Variants in PCDH9 observed in about 807,000 individuals in gnomAD.
PCDH9 encodes protocadherin 9, also known as protocadherin-9.
Under a neutral mutation model 70.6 loss-of-function variants are expected in PCDH9, and 24 were observed. The observed-to-expected ratio is 0.34, with a 90% confidence interval of 0.25 to 0.48. The LOEUF is 0.48. Among genes scored for constraint, PCDH9 ranks in the 20% least tolerant of loss-of-function variants. PCDH9 has a pLI of 0.99. For synonymous variants in PCDH9, 562 were observed against 558.5 expected, an observed-to-expected ratio of 1.01 and a Z score of -0.09; for missense variants, 1,281 against 1,503.6, an observed-to-expected ratio of 0.85 and a Z score of 2.45.
intron 3 of PCDH9, among the ~76,000 whole-genome samples, chr13:66,790,045 G>A (rs1043393505): frequency 6.6e-6 from 1 of 152,020 alleles, no homozygotes; most frequent in Non-Finnish European, 1.5e-5. Context: ...ACGTTTTTAA[G>A]GTGGCTCTAC....
chr13:66,361,515 C>T (rs1488963498), intron 4 of PCDH9, among the ~76,000 whole-genome samples: 3 of 151,856 alleles, frequency 2.0e-5, no homozygotes, highest in Non-Finnish European at 1.5e-5. Context: ...TTTTTTGTAT[C>T]TGAACAGGAT....
chr13:66,712,612 G>T (rs2078810425), intron 3 of PCDH9, among the ~76,000 whole-genome samples: 1 of 152,078 alleles, frequency 6.6e-6, no homozygotes, highest in Admixed American at 6.6e-5. Flanking sequence ...CTTCAAAGAA[G>T]TCCTTTGGAT....
chr13:66,963,016 C>G (rs1430872340), intron 2 of PCDH9, among the ~76,000 whole-genome samples: 1 of 152,066 alleles, frequency 6.6e-6, no homozygotes, highest in African/African-American at 2.4e-5. Context: ...GAGATAGTGA[C>G]AGATCATCAG....
intron 4 of PCDH9, among the ~76,000 whole-genome samples, chr13:66,447,043 T>C (rs1047892231): frequency 6.6e-6 from 1 of 152,072 alleles, no homozygotes; most frequent in Non-Finnish European, 1.5e-5. Context: ...TGCAACTAAT[T>C]AATAAACATT....
chr13:66,786,047 T>A (rs1326052192), intron 3 of PCDH9, among the ~76,000 whole-genome samples: 1 of 152,140 alleles, frequency 6.6e-6, no homozygotes, highest in African/African-American at 2.4e-5. Context: ...ATTTATTAGT[T>A]CTTTATGGAG....
intron 4 of PCDH9, among the ~76,000 whole-genome samples, chr13:66,308,199 T>G (rs796826003): frequency 3.2e-4 from 48 of 152,220 alleles, no homozygotes; most frequent in African/African-American, 1.1e-3. Context: ...CTAAGGTACA[T>G]CATTTCTTCT....
At chr13:66,944,350 A>T (rs955501219) in intron 2 of PCDH9, among the ~76,000 whole-genome samples, 3 of 152,158 alleles carry the variant, frequency 2.0e-5, no homozygotes, top group Admixed American at 6.6e-5. Flanking sequence ...TATAATATGC[A>T]ATTTTTCATA....
chr13:66,809,858 CA>C (rs1594089619), intron 3 of PCDH9, among the ~76,000 whole-genome samples: 1 of 152,090 alleles, frequency 6.6e-6, no homozygotes, highest in African/African-American at 2.4e-5. Context: ...AACATAGGAT[CA>C]AAAGCCTTTT....
intron 2 of PCDH9, among the ~76,000 whole-genome samples, chr13:67,144,097 T>C (rs550449155): frequency 2.0e-5 from 3 of 152,222 alleles, no homozygotes; most frequent in African/African-American, 7.2e-5. Flanking sequence ...CTTTCTAATA[T>C]CAAAATGTGT....
At chr13:67,165,870 A>G (rs1418653196) in intron 2 of PCDH9, among the ~76,000 whole-genome samples, 1 of 152,204 alleles carries the variant, frequency 6.6e-6, no homozygotes, top group East Asian at 1.9e-4. Context: ...TTGAATGACT[A>G]GTTTGTTGAT....
intron 3 of PCDH9, among the ~76,000 whole-genome samples, chr13:66,805,145 A>G (rs1225037434): frequency 6.6e-6 from 1 of 152,204 alleles, no homozygotes; most frequent in African/African-American, 2.4e-5. Context: ...ATTCCATGAT[A>G]CTGTACAGAG....
chr13:66,521,633 T>C (rs773396745), intron 4 of PCDH9, among the ~76,000 whole-genome samples: 3 of 152,136 alleles, frequency 2.0e-5, no homozygotes, highest in Non-Finnish European at 4.4e-5. Flanking sequence ...GTACGTGTTA[T>C]GGTGAGATAT....
intron 3 of PCDH9, among the ~76,000 whole-genome samples, chr13:66,711,392 CAA>C (rs5804291): frequency 1.6e-3 from 210 of 128,564 alleles, no homozygotes; most frequent in South Asian, 4.3e-3. Context: ...AAGAAAATTG[CAA>C]AAAAAAAAAA....
At chr13:66,961,613 G>A (rs1453941646) in intron 2 of PCDH9, among the ~76,000 whole-genome samples, 1 of 152,168 alleles carries the variant, frequency 6.6e-6, no homozygotes, top group Non-Finnish European at 1.5e-5. Flanking sequence ...GAGCAACATA[G>A]TGAGTCCCCA....
At chr13:66,305,118 A>G in intron 4 of PCDH9, 90 bp from the exon 5 acceptor site, 3 of 1,147,760 alleles carry the variant, frequency 2.6e-6, no homozygotes, top group Non-Finnish European at 3.6e-6. Flanking sequence ...GTTATTAGTG[A>G]TCTTATTTTT....
intron 4 of PCDH9, among the ~76,000 whole-genome samples, chr13:66,503,754 C>A (rs1643945415): frequency 6.6e-6 from 1 of 152,134 alleles, no homozygotes; most frequent in Non-Finnish European, 1.5e-5. Flanking sequence ...AATCTGAATA[C>A]TTTTACATTT....
At chr13:66,983,212 C>T (rs924404768) in intron 2 of PCDH9, among the ~76,000 whole-genome samples, 1 of 151,846 alleles carries the variant, frequency 6.6e-6, no homozygotes, top group Admixed American at 6.6e-5. Flanking sequence ...CACGTGTACC[C>T]CAGAACTTAA....
At chr13:66,719,022 A>C (rs945246975) in intron 3 of PCDH9, among the ~76,000 whole-genome samples, 14 of 152,234 alleles carry the variant, frequency 9.2e-5, no homozygotes, top group Admixed American at 5.2e-4. Flanking sequence ...TTTTGTTTTT[A>C]TCTAAATTTA....
intron 4 of PCDH9, among the ~76,000 whole-genome samples, chr13:66,431,464 A>G (rs1468236632): frequency 6.6e-6 from 1 of 152,062 alleles, no homozygotes; most frequent in Admixed American, 6.6e-5. Flanking sequence ...ACTCTACTCC[A>G]TGATCTTATT....
Sources: allele counts gnomAD v4.1 joint callset (sites outside exome capture counted in the v4.1 genomes callset), GRCh38; gene constraint gnomAD v4.1.1; transcripts MANE v1.5; gene names NCBI Gene and HGNC (gene_info 2026-07-23, HGNC 2026-07-21).